MAP3K4: variants seen among roughly 807,000 people sequenced by gnomAD.
MAP3K4 encodes MAP three kinase 1.
Under a neutral mutation model 185.6 loss-of-function variants are expected in MAP3K4, and 67 were observed. That is an observed-to-expected ratio of 0.36 (90% confidence interval 0.30 to 0.44). MAP3K4 has a LOEUF of 0.44. Ranked by LOEUF, MAP3K4 falls within the 20% of genes least tolerant of loss-of-function variation. The pLI is 1.00. For missense variants in MAP3K4, 1,551 were observed against 1,995.1 expected (o/e 0.78, Z 4.24); for synonymous variants, 702 against 710.4 (o/e 0.99, Z 0.19).
chr6:160,998,487 G>A (rs1422954327), intron 1 of MAP3K4, among the ~76,000 whole-genome samples: 3 of 152,182 alleles, frequency 2.0e-5, no homozygotes, highest in African/African-American at 7.2e-5. Context: ...AATTGAAATT[G>A]ATGAGAGTCC....
rs1227512821 is a variant in MAP3K4 at position 161,061,104 on chromosome 6, G to T, written c.1708-9504G>T. Among the ~76,000 whole-genome samples, 2 of 152,194 alleles carry T rather than the reference G, an allele frequency of 1.3e-5. No individual in the cohort carries two copies. Among genetic ancestry groups the T allele is most frequent in the Non-Finnish European group, 1.5e-5 (1 of 68,028 alleles). ...AATGCATCACATGTCCTTTCTGATA[G>T]TTCTGATTCAAATTCAGGATTTGAG... On this transcript the variant is annotated intron_variant, in intron 3 of 26. Coordinates refer to ENST00000392142, the MANE Select transcript of MAP3K4 (RefSeq NM_005922.4). This position sits in a 1 kb window ranked among gnomAD's most constrained non-coding sequence, Gnocchi z 4.2.
rs926744727 is a variant in MAP3K4 at position 161,017,755 on chromosome 6, A to T, written c.153-16504A>T. Among the ~76,000 whole-genome samples, 3 of 152,188 alleles carry T rather than the reference A, an allele frequency of 2.0e-5. No individual in the cohort carries two copies. Among genetic ancestry groups the T allele is most frequent in the Admixed American group, 2.0e-4 (3 of 15,272 alleles). On this transcript the variant is annotated intron_variant, in intron 1 of 26. Coordinates refer to ENST00000392142, the MANE Select transcript of MAP3K4 (RefSeq NM_005922.4). The surrounding 1 kb of genome is among the most constrained non-coding windows in gnomAD (Gnocchi z 5.1). ...CCTTTCTCCTTTGCTTCCTAAAGAC[A>T]CTGCTGTGTGATCCTATTATATAAT...
In MAP3K4 at chr6:161,043,559, G is replaced by A. The variant is rs754465826; in HGVS notation, c.344-5057G>A. Reference sequence around the variant, plus strand: ...ATTAACCATGTGTCTAACCATCTGTGTTCTGTGATAATCTTCATCATCATG... The same window carrying A: ...ATTAACCATGTGTCTAACCATCTGTATTCTGTGATAATCTTCATCATCATG... On this transcript the variant is annotated intron_variant, in intron 2 of 26. Coordinates refer to ENST00000392142, the MANE Select transcript of MAP3K4 (RefSeq NM_005922.4). The surrounding 1 kb of genome is among the most constrained non-coding windows in gnomAD (Gnocchi z 4.3). 6.6e-6 allele frequency among the ~76,000 whole-genome samples: 1 copy of A among 152,184 alleles called. No individual in the cohort carries two copies. Among genetic ancestry groups the A allele is most frequent in the Non-Finnish European group, 1.5e-5 (1 of 68,048 alleles).
chr6:161,048,854 C>T lies in MAP3K4; in HGVS notation c.582C>T (p.Ser194=). The T allele has an allele frequency of 1.9e-6, 3 of 1,614,178 alleles. No individual in the cohort carries two copies. Among genetic ancestry groups the T allele is most frequent in the Non-Finnish European group, 2.5e-6 (3 of 1,180,022 alleles). Residue 194 remains serine (S), a synonymous_variant, in exon 3 of 27, where the codon AGC becomes AGT. Transcript: ENST00000392142. This position sits in a 1 kb window ranked among gnomAD's most constrained non-coding sequence, Gnocchi z 4.7. The part of the protein sequence containing the change: ...LNKPYLSLGC[S]NAKLPVSVPM... ...AGCCTTACCTCAGCCTTGGCTGTAG[C>T]AATGCTAAGCTTCCAGTATCTGTGC... is the stretch of plus-strand genomic sequence containing the variant.
In MAP3K4 at chr6:161,034,204, T is replaced by G; in HGVS notation, c.153-55T>G. On this transcript the variant is annotated intron_variant, in intron 1 of 26. Coordinates refer to ENST00000392142, the MANE Select transcript of MAP3K4 (RefSeq NM_005922.4). The surrounding 1 kb of genome is among the most constrained non-coding windows in gnomAD (Gnocchi z 4.4). ...ATTATTTAAAAAATTATAAGTAAAT[T>G]TGAATTCACTTAACTGTGTTGCTGA... 10 of 1,342,340 alleles carry G rather than the reference T, an allele frequency of 7.4e-6. No homozygotes were observed. Among genetic ancestry groups the G allele is most frequent in the Non-Finnish European group, 1.0e-5 (10 of 978,404 alleles). 83.2% of individuals were successfully genotyped at this position (1,342,340 alleles called of 1,614,324 possible). A position where few individuals can be genotyped will look rare whatever the true frequency, so the allele number is the denominator to read the frequency against.
chr6:160,997,842 C>G (rs1038572137), intron 1 of MAP3K4, among the ~76,000 whole-genome samples: 2 of 152,040 alleles, frequency 1.3e-5, no homozygotes, highest in Admixed American at 1.3e-4. Context: ...AGGATTCTTT[C>G]CTGGGATTTT....
At chr6:161,001,872 A>G (rs1041867712) in intron 1 of MAP3K4, among the ~76,000 whole-genome samples, 1 of 152,056 alleles carries the variant, frequency 6.6e-6, no homozygotes, top group Non-Finnish European at 1.5e-5. Flanking sequence ...GTTTTATTAC[A>G]TTTCTCTTTC....
chr6:161,103,930 G>T lies in MAP3K4; in HGVS notation c.3856+1151G>T, dbSNP rs568910181. 6.6e-6 allele frequency among the ~76,000 whole-genome samples: 1 copy of T among 152,168 alleles called. No homozygotes were observed. Among genetic ancestry groups the T allele is most frequent in the African/African-American group, 2.4e-5 (1 of 41,440 alleles). On this transcript the variant is annotated intron_variant, in intron 19 of 26. Transcript: ENST00000392142. The surrounding 1 kb of genome is among the most constrained non-coding windows in gnomAD (Gnocchi z 4.6). Reference sequence around the variant, plus strand: ...GTAGGTGTGTGTTGAGGGTTCAAGTGGGGGAGTTTTCCTAGGCTTGAGCCA... The same window carrying T: ...GTAGGTGTGTGTTGAGGGTTCAAGTTGGGGAGTTTTCCTAGGCTTGAGCCA...
intron 3 of MAP3K4, among the ~76,000 whole-genome samples, chr6:161,060,777 G>A (rs1218754325): frequency 2.6e-5 from 4 of 151,774 alleles, no homozygotes; most frequent in Admixed American, 6.6e-5. Context: ...GCGCCACCAC[G>A]CCCAGGTAAT....
chr6:160,992,020 C>T lies in MAP3K4; in HGVS notation c.89C>T (p.Pro30Leu). ...ATGGAGGAGCCGCCGCCACCGCCGC[C>T]GCCGCCACCACCGCCACCGGAACCC... ...AAMEEPPPPPPPPPPPPEPET... is the reference protein window; with the variant it reads ...AAMEEPPPPPLPPPPPPEPET... The change falls in exon 1 of 27, where the codon CCG (proline) becomes CTG (leucine). Residue 30 changes from proline (P) to leucine (L), a missense_variant. Transcript: ENST00000392142. The T allele has an allele frequency of 1.3e-6, 2 of 1,555,908 alleles. No individual in the cohort carries two copies. Among genetic ancestry groups the T allele is most frequent in the Non-Finnish European group, 8.6e-7 (1 of 1,157,950 alleles).
chr6:161,080,785 C>G lies in MAP3K4; in HGVS notation c.2098-96C>G. On this transcript the variant is annotated intron_variant, in intron 5 of 26. Transcript: ENST00000392142. The surrounding 1 kb of genome is among the most constrained non-coding windows in gnomAD (Gnocchi z 4.8). ...GTGCCTGTGACAGCCCCCGGCCCGC[C>G]CCCACTTTACCCTGCTGATGTGTAG... 1 of 1,124,806 alleles carries G rather than the reference C, an allele frequency of 8.9e-7. No homozygotes were observed. The allele number at this position is 1,124,806 out of a possible 1,614,324, so 69.7% of individuals were successfully genotyped here.
intron 1 of MAP3K4, among the ~76,000 whole-genome samples, chr6:161,002,344 T>C (rs1781360946): frequency 6.6e-6 from 1 of 152,176 alleles, no homozygotes; most frequent in African/African-American, 2.4e-5. Flanking sequence ...GTAAGAGGAA[T>C]AGTTTTCAAA....
chr6:161,096,586 CT>C lies in MAP3K4; in HGVS notation c.3428-493del, dbSNP rs1777581794. 6.6e-6 allele frequency: 1 copy of C among 151,952 alleles called. No homozygotes were observed. Among genetic ancestry groups the C allele is most frequent in the Non-Finnish European group, 1.5e-5 (1 of 68,008 alleles). The allele number at this position is 151,952 out of a possible 1,614,324, so 9.4% of individuals were successfully genotyped here. A position where few individuals can be genotyped will look rare whatever the true frequency, so the allele number is the denominator to read the frequency against. ...TAAAAGAAAAAGAGAAGAAAACATG[CT>C]CTTGAAAAAAATGACTCAGTTAAAT... On this transcript the variant is annotated intron_variant, in intron 15 of 26. Transcript: ENST00000392142. The surrounding 1 kb of genome is among the most constrained non-coding windows in gnomAD (Gnocchi z 4.9).
Position 161,100,330 on chromosome 6 carries a change from A to G in MAP3K4, c.3675-1562A>G, listed in dbSNP as rs551005019. On this transcript the variant is annotated intron_variant, in intron 17 of 26. Transcript: ENST00000392142. This position sits in a 1 kb window ranked among gnomAD's most constrained non-coding sequence, Gnocchi z 5.8. The stretch of plus-strand genomic sequence containing the variant: ...CAGTGTGTGCATCCCTGCCACAGCC[A>G]TGGGGTGTAGCCCTTGCCCGTCTTA... 2.6e-5 allele frequency among the ~76,000 whole-genome samples: 4 copies of G among 152,364 alleles called. No individual in the cohort carries two copies. The East Asian group carries it at 7.7e-4, about 29-fold the overall frequency.
rs775210145 is a variant in MAP3K4 at position 161,087,981 on chromosome 6, A to G, written c.2823+27A>G. 9 of 1,589,966 alleles carry G rather than the reference A, an allele frequency of 5.7e-6. No homozygotes were observed. Among genetic ancestry groups the G allele is most frequent in the South Asian group, 1.2e-5 (1 of 86,564 alleles). ...TACAGCTCATCTCCATCTTTGCAGCAGTGTTACTTCAAGGACTTTTAGTAA... is the reference window on the plus strand; with the variant it reads ...TACAGCTCATCTCCATCTTTGCAGCGGTGTTACTTCAAGGACTTTTAGTAA... On this transcript the variant is annotated intron_variant, in intron 10 of 26. Transcript: ENST00000392142. This position sits in a 1 kb window ranked among gnomAD's most constrained non-coding sequence, Gnocchi z 4.9.
At chr6:161,058,063 G>A (rs77172251) in intron 3 of MAP3K4, among the ~76,000 whole-genome samples, 3,478 of 152,270 alleles carry the variant, frequency 0.023, 147 homozygotes, top group African/African-American at 0.079. Flanking sequence ...GCTACATGCC[G>A]GGGCAAGGAA....
At position 161,110,117 on chromosome 6, in the gene MAP3K4, G is replaced by T. The variant is rs1334925200; in HGVS notation, c.4396+203G>T. ...CTCTACCCAGGAGTCCGCTCTTTCT[G>T]TTCAACACTGCTTTTAGAGAAATCT... On this transcript the variant is annotated intron_variant, in intron 23 of 26. Coordinates refer to ENST00000392142, the MANE Select transcript of MAP3K4 (RefSeq NM_005922.4). This position sits in a 1 kb window ranked among gnomAD's most constrained non-coding sequence, Gnocchi z 4.8. 6.6e-6 allele frequency among the ~76,000 whole-genome samples: 1 copy of T among 152,276 alleles called. No individual in the cohort carries two copies. Among genetic ancestry groups the T allele is most frequent in the Admixed American group, 6.5e-5 (1 of 15,296 alleles).
Position 161,093,397 on chromosome 6 carries a change from T to A in MAP3K4, c.3348+341T>A, listed in dbSNP as rs979675061. Among the ~76,000 whole-genome samples the A allele has an allele frequency of 3.9e-5, 6 of 152,222 alleles. No homozygotes were observed. The highest frequency in any genetic ancestry group is 7.3e-5 in the Non-Finnish European group (5 of 68,044). ...CTCAGTGTGCATCATTTTGAGAGCA[T>A]CATGCTCGTGTTAAATATTATCACT... On this transcript the variant is annotated intron_variant, in intron 14 of 26. Transcript: ENST00000392142. This position sits in a 1 kb window ranked among gnomAD's most constrained non-coding sequence, Gnocchi z 5.2.
At chr6:160,992,479 A>T (rs1485852578) in intron 1 of MAP3K4, 2 of 224,840 alleles carry the variant, frequency 8.9e-6, no homozygotes, top group Non-Finnish European at 1.7e-5. Context: ...CTCTGCCCTC[A>T]TTCGAGTAAA....
Sources: gnomAD v4.1 joint callset for allele counts (sites outside exome capture counted in the v4.1 genomes callset) on GRCh38, gnomAD v4.1.1 for gene constraint, Gnocchi (gnomAD v3.1) non-coding constraint, MANE v1.5 for transcripts, NCBI Gene and HGNC (gene_info 2026-07-23, HGNC 2026-07-21) for gene names.